The following AKAP6 variants were observed in gnomAD, a reference collection of about 807,000 sequenced individuals.
AKAP6 encodes the protein A-kinase anchor protein 6.
Under a neutral mutation model 188.5 loss-of-function variants are expected in AKAP6, and 58 were observed. That is an observed-to-expected ratio of 0.31 (90% CI 0.25 to 0.38). The LOEUF (loss-of-function observed/expected upper bound fraction) is 0.38, where lower values mean the gene tolerates loss of function less well. Ranked by LOEUF, AKAP6 falls within the 10% of genes least tolerant of loss-of-function variation. The pLI is 1.00. For missense variants in AKAP6, 2,710 were observed against 2,740.0 expected, an observed-to-expected ratio of 0.99 and a Z score of 0.24; for synonymous variants, 989 against 998.6, an observed-to-expected ratio of 0.99 and a Z score of 0.18.
intron 7 of AKAP6, among the ~76,000 whole-genome samples, chr14:32,645,123 G>C (rs1034303513): frequency 6.6e-6 from 1 of 151,958 alleles, no homozygotes; most frequent in Admixed American, 6.6e-5. Context: ...TTTTTTATAG[G>C]GACCTGATCT....
chr14:32,547,592 A>G (rs765222425), intron 4 of AKAP6, among the ~76,000 whole-genome samples: 29 of 152,266 alleles, frequency 1.9e-4, no homozygotes, highest in Admixed American at 1.3e-3. Flanking sequence ...CTAAATCTGT[A>G]CTTTTGAACA....
chr14:32,740,017 C>T (rs2031604573), intron 11 of AKAP6, among the ~76,000 whole-genome samples: 1 of 152,060 alleles, frequency 6.6e-6, no homozygotes, highest in Non-Finnish European at 1.5e-5. Flanking sequence ...CCCTTTTCTC[C>T]ACATCCTCGC....
At chr14:32,825,844 C>G (rs1386810701) in intron 13 of AKAP6, among the ~76,000 whole-genome samples, 1 of 152,116 alleles carries the variant, frequency 6.6e-6, no homozygotes, top group Non-Finnish European at 1.5e-5. Context: ...GCAATCTACC[C>G]TAATTTGTTA....
chr14:32,448,411 C>T (rs989575009), intron 2 of AKAP6, among the ~76,000 whole-genome samples: 8 of 152,258 alleles, frequency 5.3e-5, no homozygotes, highest in Non-Finnish European at 7.4e-5. Context: ...AGTAATAATT[C>T]GAGTGAGCTA....
At chr14:32,603,903 A>C (rs1380672262) in intron 7 of AKAP6, among the ~76,000 whole-genome samples, 1 of 152,128 alleles carries the variant, frequency 6.6e-6, no homozygotes, top group Non-Finnish European at 1.5e-5. Flanking sequence ...AACGAGCAAG[A>C]ATTATTATAA....
intron 9 of AKAP6, among the ~76,000 whole-genome samples, chr14:32,725,914 A>G (rs2030848602): frequency 6.6e-6 from 1 of 152,174 alleles, no homozygotes; most frequent in African/African-American, 2.4e-5. Context: ...CTTGGTTGCT[A>G]ATGAGTGTAT....
intron 4 of AKAP6, among the ~76,000 whole-genome samples, chr14:32,554,363 T>C (rs1883604926): frequency 6.6e-6 from 1 of 152,232 alleles, no homozygotes; most frequent in Admixed American, 6.5e-5. Flanking sequence ...GCATCTACTG[T>C]GTGCCAGGAT....
At chr14:32,660,657 C>T (rs1255435995) in intron 7 of AKAP6, among the ~76,000 whole-genome samples, 2 of 151,926 alleles carry the variant, frequency 1.3e-5, no homozygotes, top group Non-Finnish European at 1.5e-5. Flanking sequence ...GTTTGTGAGG[C>T]CTATCTGGAC....
At chr14:32,708,113 A>G (rs904910898) in intron 9 of AKAP6, among the ~76,000 whole-genome samples, 2 of 152,112 alleles carry the variant, frequency 1.3e-5, no homozygotes, top group Admixed American at 6.6e-5. Flanking sequence ...TGAAGGTAAC[A>G]TGTGCTGTGC....
At chr14:32,341,818 C>T (rs34247479) in intron 1 of AKAP6, among the ~76,000 whole-genome samples, 25,248 of 151,882 alleles carry the variant, frequency 0.17, 2,262 homozygotes, top group East Asian at 0.37. Flanking sequence ...TACAGGAGTT[C>T]GAGACCAGCC....
intron 1 of AKAP6, among the ~76,000 whole-genome samples, chr14:32,332,604 T>G (rs529309714): frequency 2.0e-5 from 3 of 152,246 alleles, no homozygotes; most frequent in African/African-American, 7.2e-5. Context: ...CAGTAATGAT[T>G]CAGCTTTGTT....
Position 32,811,241 on chromosome 14 carries a change from G to GAAAA in AKAP6, c.3589-10149_3589-10146dup, listed in dbSNP as rs529886144. On this transcript the variant is annotated intron_variant, in intron 12 of 13. Transcript: ENST00000280979. ...GTGACAGAGCGAGACTCCGTCTCAG[G>GAAAA]AAAAAAAAAAAAAAAGTTGAAAAAC... Among the ~76,000 whole-genome samples, 280 of 55,604 alleles carry GAAAA rather than the reference G, an allele frequency of 5.0e-3. 19 individuals carry two copies. Among genetic ancestry groups the GAAAA allele is most frequent in the African/African-American group, 0.018 (243 of 13,864 alleles). 36.5% of individuals were successfully genotyped at this position (55,604 alleles called of 152,430 possible).
At chr14:32,710,772 T>G (rs942820176) in intron 9 of AKAP6, among the ~76,000 whole-genome samples, 9 of 152,046 alleles carry the variant, frequency 5.9e-5, no homozygotes, top group Non-Finnish European at 1.3e-4. Flanking sequence ...TATGAAGTAA[T>G]GTATATAGGG....
chr14:32,360,407 G>A (rs997910820), intron 1 of AKAP6, among the ~76,000 whole-genome samples: 1 of 152,112 alleles, frequency 6.6e-6, no homozygotes, highest in Non-Finnish European at 1.5e-5. Flanking sequence ...GATTACAGGC[G>A]TGAGCCACCG....
intron 12 of AKAP6, among the ~76,000 whole-genome samples, chr14:32,798,867 TA>T (rs2033852879): frequency 2.0e-5 from 3 of 151,628 alleles, no homozygotes; most frequent in Admixed American, 2.0e-4. Context: ...TTTCTGAACC[TA>T]AAATAAAAGT....
At position 32,735,894 on chromosome 14, in the gene AKAP6, ACAAT is replaced by A. The variant is rs767778905; in HGVS notation, c.3372+16_3372+19del. 7.2e-5 allele frequency: 112 copies of A among 1,565,442 alleles called. No homozygotes were observed. The highest frequency in any genetic ancestry group is 9.2e-5 in the Non-Finnish European group (106 of 1,156,686). On this transcript the variant is annotated intron_variant, in intron 11 of 13. Coordinates refer to ENST00000280979, the MANE Select transcript of AKAP6 (RefSeq NM_004274.5). The stretch of plus-strand genomic sequence containing the variant: ...TGCAATACTTTAAGGTAATAAAAAA[ACAAT>A]CAAAGTTGATAAAAAGCTCTTTTTA...
At chr14:32,406,878 T>G (rs892685970) in intron 1 of AKAP6, among the ~76,000 whole-genome samples, 2 of 152,212 alleles carry the variant, frequency 1.3e-5, no homozygotes, top group Admixed American at 1.3e-4. Context: ...AGCCATGTAC[T>G]TGTGGTGAGT....
At position 32,823,592 on chromosome 14, in the gene AKAP6, A is replaced by T. The variant is rs1403076062; in HGVS notation, c.5779A>T (p.Ile1927Phe). ...AAATCTTGGTTCACATGGGAAAGAG[A>T]TTTCAGAGAGTGAGCATTGTAAGTG... ...SENLGSHGKEISESEHCKCKA... is the reference protein window; with the variant it reads ...SENLGSHGKEFSESEHCKCKA... Residue 1927 changes from isoleucine to phenylalanine, a missense_variant, in exon 13 of 14, where the codon ATT (isoleucine) becomes TTT (phenylalanine). This residue lies in a region of AKAP6 where 2,473 missense variants were observed against 2,426.1 expected (regional missense o/e 1.02). Transcript: ENST00000280979. 1 of 1,613,942 alleles carries T rather than the reference A, an allele frequency of 6.2e-7. No homozygotes were observed. Among genetic ancestry groups the T allele is most frequent in the East Asian group, 2.2e-5 (1 of 44,872 alleles).
intron 5 of AKAP6, among the ~76,000 whole-genome samples, chr14:32,583,280 A>T (rs1180772360): frequency 2.0e-5 from 3 of 152,326 alleles, no homozygotes; most frequent in Middle Eastern, 3.4e-3. Flanking sequence ...CCTGGGTATC[A>T]GCAGCGGTGG....
Sources: allele counts gnomAD v4.1 joint callset (sites outside exome capture counted in the v4.1 genomes callset), GRCh38; gene constraint gnomAD v4.1.1; regional missense constraint gnomAD v4.1.1; transcripts MANE v1.5; gene names NCBI Gene and HGNC (gene_info 2026-07-23, HGNC 2026-07-21).